Variants in NHS observed in about 807,000 individuals in gnomAD.
The protein encoded by NHS is NHS actin remodeling regulator.
A neutral mutation model predicts 72.5 loss-of-function variants in NHS; 5 were observed. That is an observed-to-expected ratio of 0.07 (90% CI 0.04 to 0.14). NHS has a LOEUF of 0.14. Among genes scored for constraint, NHS ranks in the 10% least tolerant of loss-of-function variants. NHS has a pLI of 1.00. For missense variants in NHS, 1,072 were observed against 1,355.7 expected, an observed-to-expected ratio of 0.79 and a Z score of 3.29; for synonymous variants, 464 against 547.7, an observed-to-expected ratio of 0.85 and a Z score of 2.13.
chrX:17,654,151 C>T (rs1210314198), intron 1 of NHS, among the ~76,000 whole-genome samples: 1 of 112,087 alleles, frequency 8.9e-6, no homozygotes, highest in African/African-American at 3.2e-5. Flanking sequence ...AAAACTCTTT[C>T]GTCCATCCCC....
intron 1 of NHS, among the ~76,000 whole-genome samples, chrX:17,483,292 T>C (rs139332665): frequency 8.2e-4 from 92 of 112,274 alleles, no homozygotes; most frequent in African/African-American, 2.8e-3. Context: ...TGCTCCTTTA[T>C]TACTACATTA....
chrX:17,390,227 C>G (rs1808986197), intron 1 of NHS, among the ~76,000 whole-genome samples: 1 of 112,414 alleles, frequency 8.9e-6, no homozygotes, highest in South Asian at 3.7e-4. Flanking sequence ...CCCATGAGAT[C>G]TAATGTTCAT....
intron 1 of NHS, among the ~76,000 whole-genome samples, chrX:17,475,630 G>C (rs778225283): frequency 1.5e-4 from 17 of 112,209 alleles, no homozygotes; most frequent in African/African-American, 5.2e-4. Context: ...CCAACAGCCT[G>C]TGATCATTGG....
chrX:17,508,549 C>A (rs1455594060), intron 1 of NHS, among the ~76,000 whole-genome samples: 1 of 111,729 alleles, frequency 9.0e-6, no homozygotes, highest in Non-Finnish European at 1.9e-5. Flanking sequence ...CGGCTCACTG[C>A]AACCTCCACC....
intron 1 of NHS, among the ~76,000 whole-genome samples, chrX:17,474,233 G>A (rs2064904576): frequency 8.9e-6 from 1 of 111,984 alleles, no homozygotes; most frequent in Non-Finnish European, 1.9e-5. Flanking sequence ...ACTCTTGTAT[G>A]AACTGAAAGT....
intron 1 of NHS, among the ~76,000 whole-genome samples, chrX:17,621,240 G>A (rs1175514744): frequency 8.9e-6 from 1 of 112,157 alleles, no homozygotes; most frequent in Non-Finnish European, 1.9e-5. Flanking sequence ...CAATGCCCAG[G>A]TTCCTGGCTT....
intron 8 of NHS, among the ~76,000 whole-genome samples, chrX:17,731,152 T>C (rs1247860262): frequency 1.8e-5 from 2 of 109,846 alleles, no homozygotes; most frequent in African/African-American, 6.7e-5. Flanking sequence ...GAGACAGAGT[T>C]AATAAGAAAA....
At chrX:17,392,507 GT>G (rs1451637931) in intron 1 of NHS, among the ~76,000 whole-genome samples, 1 of 112,067 alleles carries the variant, frequency 8.9e-6, no homozygotes, top group Non-Finnish European at 1.9e-5. Flanking sequence ...AAACTGCAGA[GT>G]TTTCTTTTTT....
At chrX:17,412,441 G>GA (rs1429263792) in intron 1 of NHS, among the ~76,000 whole-genome samples, 1 of 109,610 alleles carries the variant, frequency 9.1e-6, no homozygotes, top group Non-Finnish European at 1.9e-5. Context: ...CTAAAAATAA[G>GA]AAAAAATCAG....
intron 3 of NHS, among the ~76,000 whole-genome samples, chrX:17,704,360 G>T (rs1373521572): frequency 1.8e-5 from 2 of 110,607 alleles, no homozygotes; most frequent in Non-Finnish European, 3.8e-5. Context: ...GAGTGCAGTG[G>T]TGCGATCTCA....
intron 8 of NHS, among the ~76,000 whole-genome samples, chrX:17,730,400 G>GA (rs1401940443): frequency 8.9e-6 from 1 of 112,133 alleles, no homozygotes; most frequent in African/African-American, 3.2e-5. Context: ...TTTGTGTTTA[G>GA]AATATGGTAG....
intron 8 of NHS, among the ~76,000 whole-genome samples, chrX:17,730,829 G>A (rs1056777535): frequency 1.8e-5 from 2 of 112,103 alleles, no homozygotes; most frequent in Non-Finnish European, 3.8e-5. Context: ...GAGCTCCAGA[G>A]ATGGTCTGGG....
intron 1 of NHS, among the ~76,000 whole-genome samples, chrX:17,497,123 C>T (rs1408348259): frequency 2.7e-5 from 3 of 112,346 alleles, no homozygotes; most frequent in Non-Finnish European, 5.6e-5. Context: ...GAAATGCTCG[C>T]TGAATGGATG....
chrX:17,436,172 A>G (rs1245442981), intron 1 of NHS, among the ~76,000 whole-genome samples: 1 of 111,867 alleles, frequency 8.9e-6, no homozygotes, highest in Admixed American at 9.5e-5. Context: ...TTTAAAAAAA[A>G]CTTCAAAAAG....
At chrX:17,634,669 C>T (rs2065836262) in intron 1 of NHS, among the ~76,000 whole-genome samples, 1 of 90,907 alleles carries the variant, frequency 1.1e-5, no homozygotes, top group Admixed American at 1.6e-4. Context: ...GCTATTACTG[C>T]TGTTATCAGC....
At chrX:17,596,074 C>T (rs1318233676) in intron 1 of NHS, among the ~76,000 whole-genome samples, 1 of 111,826 alleles carries the variant, frequency 8.9e-6, no homozygotes, top group Non-Finnish European at 1.9e-5. Context: ...TTTGTACTCA[C>T]CACTATTTAT....
At chrX:17,488,944 C>G (rs1427754548) in intron 1 of NHS, among the ~76,000 whole-genome samples, 1 of 111,033 alleles carries the variant, frequency 9.0e-6, no homozygotes, top group Non-Finnish European at 1.9e-5. Context: ...CTCCCCTAGC[C>G]CCACACCCCT....
At chrX:17,420,449 C>G (rs763531748) in intron 1 of NHS, among the ~76,000 whole-genome samples, 19 of 111,407 alleles carry the variant, frequency 1.7e-4, no homozygotes, top group Middle Eastern at 9.2e-3. Context: ...CACTCACTTA[C>G]TGAACTATCC....
chrX:17,382,184 G>A (rs556695313), intron 1 of NHS, among the ~76,000 whole-genome samples: 18 of 111,715 alleles, frequency 1.6e-4, no homozygotes, highest in African/African-American at 3.9e-4. Context: ...ATCATGTGTC[G>A]TGGTGGTTTG....
Sources: gnomAD v4.1 joint callset for allele counts (sites outside exome capture counted in the v4.1 genomes callset) on GRCh38, gnomAD v4.1.1 for gene constraint, MANE v1.5 for transcripts, NCBI Gene and HGNC (gene_info 2026-07-23, HGNC 2026-07-21) for gene names.